The following EFCAB13 variants were observed in gnomAD, a reference collection of about 807,000 sequenced individuals.
The protein encoded by EFCAB13 is EF-hand calcium-binding domain-containing protein 13.
EFCAB13 carries 91 observed loss-of-function variants against 110.2 expected under a neutral mutation model. That is an observed-to-expected ratio of 0.83 (90% CI 0.70 to 0.98). The LOEUF (loss-of-function observed/expected upper bound fraction) is 0.98, where lower values mean the gene tolerates loss of function less well. Ranked by LOEUF, EFCAB13 falls within the 50% of genes least tolerant of loss-of-function variation. The pLI, the probability that EFCAB13 is intolerant of heterozygous loss-of-function variation, is 0.00. For missense variants in EFCAB13, 968 were observed against 1,119.4 expected (o/e 0.86, Z 1.93); for synonymous variants, 323 against 369.9 (o/e 0.87, Z 1.45).
At chr17:47,367,084 G>T (rs908381235) in intron 10 of EFCAB13, among the ~76,000 whole-genome samples, 1 of 152,184 alleles carries the variant, frequency 6.6e-6, no homozygotes, top group Admixed American at 6.5e-5. Flanking sequence ...TACCACAAGT[G>T]CCAGTTACTG....
chr17:47,411,526 G>A (rs2065834977), intron 21 of EFCAB13, among the ~76,000 whole-genome samples: 1 of 152,056 alleles, frequency 6.6e-6, no homozygotes, highest in African/African-American at 2.4e-5. Flanking sequence ...TTATAATTTT[G>A]TTTATAGATA....
chr17:47,426,257 TTAAG>T (rs1259730020), intron 23 of EFCAB13, among the ~76,000 whole-genome samples: 1 of 152,224 alleles, frequency 6.6e-6, no homozygotes, highest in Non-Finnish European at 1.5e-5. Flanking sequence ...AATTATATCT[TTAAG>T]TACTGCTACT....
chr17:47,374,033 C>T (rs1487447696), intron 11 of EFCAB13, among the ~76,000 whole-genome samples: 2 of 152,088 alleles, frequency 1.3e-5, no homozygotes, highest in Non-Finnish European at 2.9e-5. Flanking sequence ...ATTTTTTCCT[C>T]CACAAATACC....
rs185596291 is a variant in EFCAB13, at chr17:47,374,710, G to T, written c.1116G>T (p.Gly372=). Residue 372 remains glycine (G), a synonymous_variant, in exon 12 of 25, where the codon GGG becomes GGT. Transcript: ENST00000331493. ...NTWQIRKFLG[G]VGSSNVGVQE... Reference sequence around the variant, plus strand: ...GGCAAATAAGAAAATTTCTGGGTGGGGTTGGCAGCAGTAATGTAGGAGTCC... The same window carrying T: ...GGCAAATAAGAAAATTTCTGGGTGGTGTTGGCAGCAGTAATGTAGGAGTCC... 1 of 1,613,668 alleles carries T rather than the reference G, an allele frequency of 6.2e-7. No homozygotes were observed. Among genetic ancestry groups the T allele is most frequent in the Non-Finnish European group, 8.5e-7 (1 of 1,179,876 alleles).
At chr17:47,333,922 G>T (rs2065334563) in intron 4 of EFCAB13, among the ~76,000 whole-genome samples, 1 of 152,088 alleles carries the variant, frequency 6.6e-6, no homozygotes, top group Non-Finnish European at 1.5e-5. Context: ...GCTATATGGG[G>T]TGTTTACTGT....
At chr17:47,349,303 G>C (rs1219735927) in intron 9 of EFCAB13, among the ~76,000 whole-genome samples, 1 of 152,158 alleles carries the variant, frequency 6.6e-6, no homozygotes, top group Non-Finnish European at 1.5e-5. Context: ...TAACATCACT[G>C]ATGTAAATAA....
intron 14 of EFCAB13, among the ~76,000 whole-genome samples, chr17:47,385,885 G>A (rs992491975): frequency 1.4e-4 from 21 of 152,260 alleles, no homozygotes; most frequent in Middle Eastern, 3.4e-3. Flanking sequence ...AGTCATGCCC[G>A]TCTTCTGCAG....
At chr17:47,430,274 G>A in intron 24 of EFCAB13, 1 of 1,002,180 alleles carries the variant, frequency 1.0e-6, no homozygotes, top group Non-Finnish European at 1.2e-6. Context: ...CAGGGTCCTG[G>A]AGGCCCTTTT....
intron 18 of EFCAB13, 99 bp from the exon 19 acceptor site, chr17:47,403,779 C>A: frequency 1.9e-6 from 2 of 1,033,016 alleles, no homozygotes; most frequent in Non-Finnish European, 2.6e-6. Flanking sequence ...TTTCTTATTC[C>A]TCAGTTCAGG....
intron 14 of EFCAB13, among the ~76,000 whole-genome samples, chr17:47,381,206 TTTTTTC>T (rs1313556636): frequency 6.6e-6 from 1 of 152,110 alleles, no homozygotes; most frequent in African/African-American, 2.4e-5. Context: ...TGATGGGTTT[TTTTTTC>T]TTGTAAATTT....
chr17:47,390,069 CTACT>C (rs956117757), intron 14 of EFCAB13, among the ~76,000 whole-genome samples: 1 of 152,140 alleles, frequency 6.6e-6, no homozygotes, highest in African/African-American at 2.4e-5. Context: ...TTTCCAGTGA[CTACT>C]TAAAGTTTAT....
chr17:47,429,440 G>A (rs1442518034), intron 23 of EFCAB13, among the ~76,000 whole-genome samples: 1 of 152,114 alleles, frequency 6.6e-6, no homozygotes, highest in Non-Finnish European at 1.5e-5. Context: ...ATGGGCTTTG[G>A]AACTATAGGG....
At chr17:47,428,197 A>AT (rs1423469892) in intron 23 of EFCAB13, among the ~76,000 whole-genome samples, 2 of 152,000 alleles carry the variant, frequency 1.3e-5, no homozygotes, top group East Asian at 3.8e-4. Context: ...ACACAGTTTT[A>AT]TGTACTTTAG....
At chr17:47,436,320 G>C (rs181386367) in intron 24 of EFCAB13, among the ~76,000 whole-genome samples, 2 of 151,998 alleles carry the variant, frequency 1.3e-5, no homozygotes, top group Non-Finnish European at 2.9e-5. Flanking sequence ...TTCTTTCTCT[G>C]TCTTGTGGAA....
intron 14 of EFCAB13, among the ~76,000 whole-genome samples, chr17:47,386,081 T>C (rs1418416262): frequency 1.3e-5 from 2 of 152,146 alleles, no homozygotes; most frequent in Admixed American, 1.3e-4. Flanking sequence ...TTGGGAGGTC[T>C]CTCCCCATCA....
chr17:47,440,788 T>C lies in EFCAB13; in HGVS notation c.*74T>C. The C allele has an allele frequency of 8.1e-7, 1 of 1,234,634 alleles. No homozygotes were observed. The allele number at this position is 1,234,634 out of a possible 1,614,324, so 76.5% of individuals were successfully genotyped here. On this transcript the variant is annotated 3_prime_UTR_variant, in exon 25 of 25. Transcript: ENST00000331493. ...AGTATGCATATTTGACTTCTGAAAT[T>C]ATTAGAAAATAATTTTTAAAACTTT...
intron 21 of EFCAB13, among the ~76,000 whole-genome samples, chr17:47,410,549 C>T (rs942464596): frequency 7.9e-5 from 12 of 152,146 alleles, no homozygotes; most frequent in African/African-American, 2.9e-4. Flanking sequence ...TGTTCCCGTG[C>T]CAACTCAAAA....
intron 4 of EFCAB13, among the ~76,000 whole-genome samples, 164 bp from the exon 5 acceptor site, chr17:47,335,032 G>A (rs901544213): frequency 4.1e-4 from 63 of 152,310 alleles, no homozygotes; most frequent in Non-Finnish European, 1.2e-4. Context: ...ACTGAATCTG[G>A]AAAAATAATA....
rs772728349 is a variant in EFCAB13 at position 47,361,470 on chromosome 17, C to T, written c.754C>T (p.Pro252Ser). The T allele has an allele frequency of 1.2e-6, 2 of 1,613,206 alleles. No individual in the cohort carries two copies. The highest frequency in any genetic ancestry group is 2.2e-5 in the East Asian group (1 of 44,810). Reference protein sequence around the residue: ...VFAVLDSMGIPINREILEEVT... With the variant: ...VFAVLDSMGISINREILEEVT... ...TGCTGTTTTGGATAGCATGGGTATC[C>T]CTATAAACCGTGAAATTTTAGAAGA... The change falls in exon 10 of 25, where the codon CCT becomes TCT. Residue 252 changes from proline to serine, a missense_variant. Transcript: ENST00000331493.
Sources: allele counts gnomAD v4.1 joint callset (sites outside exome capture counted in the v4.1 genomes callset), GRCh38; gene constraint gnomAD v4.1.1; transcripts MANE v1.5; gene names NCBI Gene and HGNC (gene_info 2026-07-23, HGNC 2026-07-21).